CDH18: variants seen among roughly 807,000 people sequenced by gnomAD.
CDH18 encodes the protein cadherin-18.
Under a neutral mutation model 67.9 loss-of-function variants are expected in CDH18, and 31 were observed. That is an observed-to-expected ratio of 0.46 (90% CI 0.34 to 0.62). CDH18 has a LOEUF of 0.62. Among genes scored for constraint, CDH18 ranks in the 20% least tolerant of loss-of-function variants. The pLI, the probability that CDH18 is intolerant of heterozygous loss-of-function variation, is 0.01. For synonymous variants in CDH18, 362 were observed against 347.2 expected (o/e 1.04, Z -0.48); for missense variants, 890 against 975.5 (o/e 0.91, Z 1.17).
intron 5 of CDH18, among the ~76,000 whole-genome samples, chr5:19,647,101 A>C (rs1754865043): frequency 6.6e-6 from 1 of 152,162 alleles, no homozygotes; most frequent in Non-Finnish European, 1.5e-5. Context: ...TCATAAGATA[A>C]AGATGCAGGA....
intron 1 of CDH18, among the ~76,000 whole-genome samples, chr5:20,364,266 G>GACAC (rs144767409): frequency 6.7e-6 from 1 of 149,508 alleles, no homozygotes; most frequent in Non-Finnish European, 1.5e-5. Flanking sequence ...CACACACAGA[G>GACAC]ACACACACAC....
intron 5 of CDH18, among the ~76,000 whole-genome samples, chr5:19,700,514 A>C (rs991119174): frequency 2.0e-5 from 3 of 152,116 alleles, no homozygotes; most frequent in Non-Finnish European, 4.4e-5. Context: ...TTAAATGGTT[A>C]TTACCTTTTC....
At chr5:19,893,702 G>C (rs1162184018) in intron 2 of CDH18, among the ~76,000 whole-genome samples, 1 of 152,126 alleles carries the variant, frequency 6.6e-6, no homozygotes, top group African/African-American at 2.4e-5. Context: ...CTGAGTGGTA[G>C]AGACTATTTA....
intron 2 of CDH18, among the ~76,000 whole-genome samples, chr5:19,868,296 G>T (rs979369089): frequency 3.3e-5 from 5 of 152,086 alleles, no homozygotes; most frequent in African/African-American, 1.2e-4. Flanking sequence ...TGGGGATCCA[G>T]CTCTTCAGCT....
intron 2 of CDH18, among the ~76,000 whole-genome samples, chr5:20,083,218 A>G (rs1744639447): frequency 6.6e-6 from 1 of 152,212 alleles, no homozygotes; most frequent in African/African-American, 2.4e-5. Context: ...GTTGGGGTTT[A>G]AAAGAAAGGG....
intron 1 of CDH18, among the ~76,000 whole-genome samples, chr5:20,513,187 G>A (rs1755153964): frequency 6.6e-6 from 1 of 152,100 alleles, no homozygotes; most frequent in Admixed American, 6.6e-5. Flanking sequence ...ATAAAGTGGA[G>A]AGAATCTGAG....
At chr5:20,095,622 G>GA (rs1180623075) in intron 2 of CDH18, among the ~76,000 whole-genome samples, 2 of 150,976 alleles carry the variant, frequency 1.3e-5, no homozygotes, top group African/African-American at 2.4e-5. Flanking sequence ...GAAAAGAAAA[G>GA]AAAGAAAGGC....
intron 1 of CDH18, among the ~76,000 whole-genome samples, chr5:20,355,631 A>G (rs1289063341): frequency 1.3e-5 from 2 of 152,208 alleles, no homozygotes; most frequent in Admixed American, 6.5e-5. Context: ...TGATACAAAG[A>G]TTACTGTGTG....
intron 2 of CDH18, among the ~76,000 whole-genome samples, chr5:20,185,917 T>C (rs900027969): frequency 7.9e-5 from 12 of 151,768 alleles, no homozygotes; most frequent in African/African-American, 2.4e-4. Flanking sequence ...ATATACCAAG[T>C]TGGCACGCAA....
intron 2 of CDH18, among the ~76,000 whole-genome samples, chr5:19,883,656 A>T (rs1040608293): frequency 7.2e-5 from 11 of 152,116 alleles, no homozygotes; most frequent in African/African-American, 2.7e-4. Flanking sequence ...TTATATTCTG[A>T]ATATTAGCTA....
intron 2 of CDH18, among the ~76,000 whole-genome samples, chr5:20,011,459 C>T (rs1368001336): frequency 6.6e-6 from 1 of 152,074 alleles, no homozygotes; most frequent in Admixed American, 6.6e-5. Context: ...TTCCTCTTGC[C>T]TGATTGCTCT....
At chr5:20,443,573 T>C (rs954285133) in intron 1 of CDH18, among the ~76,000 whole-genome samples, 11 of 151,878 alleles carry the variant, frequency 7.2e-5, no homozygotes, top group Non-Finnish European at 1.6e-4. Context: ...CTGGAGACAA[T>C]GATTGATGTC....
intron 5 of CDH18, among the ~76,000 whole-genome samples, chr5:19,667,293 G>A (rs2150335648): frequency 6.6e-6 from 1 of 151,352 alleles, no homozygotes; most frequent in African/African-American, 2.4e-5. Context: ...ATGTAAAATT[G>A]CAGTTGAACA....
intron 1 of CDH18, among the ~76,000 whole-genome samples, chr5:20,297,749 C>T (rs1208832035): frequency 3.3e-5 from 5 of 152,058 alleles, no homozygotes; most frequent in Admixed American, 3.3e-4. Flanking sequence ...ATTGTTAGGG[C>T]TTTAAGTTAG....
chr5:20,406,315 C>T (rs1353974846), intron 1 of CDH18, among the ~76,000 whole-genome samples: 3 of 152,048 alleles, frequency 2.0e-5, no homozygotes, highest in Non-Finnish European at 4.4e-5. Flanking sequence ...CCATCATTCT[C>T]AGCAAACTAT....
chr5:19,727,309 C>T (rs1320836873), intron 4 of CDH18, among the ~76,000 whole-genome samples: 1 of 152,090 alleles, frequency 6.6e-6, no homozygotes, highest in East Asian at 1.9e-4. Flanking sequence ...GTAGTGCGGG[C>T]CTCTAATCTA....
intron 2 of CDH18, among the ~76,000 whole-genome samples, chr5:20,152,423 G>T (rs934675112): frequency 6.6e-6 from 1 of 151,332 alleles, no homozygotes; most frequent in African/African-American, 2.4e-5. Flanking sequence ...CCTAATATCA[G>T]AAATAAATTG....
intron 2 of CDH18, among the ~76,000 whole-genome samples, chr5:20,142,105 G>C (rs1750289395): frequency 6.6e-6 from 1 of 152,016 alleles, no homozygotes; most frequent in Non-Finnish European, 1.5e-5. Context: ...TCAGGTAGAG[G>C]AAGAGGAAGC....
chr5:20,566,429 G>A lies in CDH18; in HGVS notation c.-580+9033C>T, dbSNP rs1173892138. ...TGTTGGAGTGCAGTGGTGCGATCTCGGCTCACTGCAACCTCTGCCTTCCAG... is the reference window on the plus strand; with the variant it reads ...TGTTGGAGTGCAGTGGTGCGATCTCAGCTCACTGCAACCTCTGCCTTCCAG... On this transcript the variant is annotated intron_variant, in intron 1 of 14. Coordinates refer to the CDH18 transcript ENST00000507958. Among the ~76,000 whole-genome samples, 10 of 144,640 alleles carry A rather than the reference G, an allele frequency of 6.9e-5. No individual in the cohort carries two copies. In the East Asian group the frequency reaches 1.8e-3, roughly 26 times the overall value. 94.9% of individuals were successfully genotyped at this position (144,640 alleles called of 152,430 possible).
Sources: gnomAD v4.1 joint callset for allele counts (sites outside exome capture counted in the v4.1 genomes callset) on GRCh38, gnomAD v4.1.1 for gene constraint, MANE v1.5 for transcripts, NCBI Gene and HGNC (gene_info 2026-07-23, HGNC 2026-07-21) for gene names.